The following RYR1 variants were observed in gnomAD, a reference collection of about 807,000 sequenced individuals.
RYR1 encodes the protein central core disease of muscle.
RYR1 carries 342 observed loss-of-function variants against 583.5 expected under a neutral mutation model. The ratio of observed to expected loss-of-function variants is 0.59; its 90% CI spans 0.54 to 0.64. The LOEUF is 0.64. Ranked by LOEUF, RYR1 falls within the 30% of genes least tolerant of loss-of-function variation. RYR1 has a pLI of 0.00. For synonymous variants in RYR1, 2,791 were observed against 2,822.5 expected (o/e 0.99, Z 0.35); for missense variants, 6,032 against 6,917.2 (o/e 0.87, Z 4.54).
At chr19:38,577,136 T>A (rs1973993121) in intron 97 of RYR1, among the ~76,000 whole-genome samples, 2 of 152,076 alleles carry the variant, frequency 1.3e-5, no homozygotes, top group South Asian at 4.1e-4. Flanking sequence ...TCCACCCGCC[T>A]CGGCCTCCCA....
Position 38,570,619 on chromosome 19 carries a change from C to T in RYR1, c.13672C>T (p.Arg4558Trp), listed in dbSNP as rs771741606. 16 of 1,613,832 alleles carry T rather than the reference C, an allele frequency of 9.9e-6. No homozygotes were observed. Among genetic ancestry groups the T allele is most frequent in the Admixed American group, 1.7e-5 (1 of 59,998 alleles). Residue 4558 changes from arginine (R) to tryptophan (W), a missense_variant, in exon 94 of 106, where the codon CGG (arginine) becomes TGG (tryptophan). By Grantham distance (101) the Arg-to-Trp change is moderately radical (BLOSUM62 -3). Coordinates refer to ENST00000359596, the MANE Select transcript of RYR1 (RefSeq NM_000540.3). ...QRVKFLNYLS[R>W]NFYTLRFLAL... is the part of the protein sequence containing the mutation. Reference sequence around the variant, plus strand: ...TCTTCTCTCTCAGAACTACCTGTCCCGGAACTTTTACACCCTGCGGTTCCT... The same window carrying T: ...TCTTCTCTCTCAGAACTACCTGTCCTGGAACTTTTACACCCTGCGGTTCCT...
chr19:38,516,856 A>G (rs986027355), intron 65 of RYR1, among the ~76,000 whole-genome samples: 1 of 152,098 alleles, frequency 6.6e-6, no homozygotes, highest in Non-Finnish European at 1.5e-5. Context: ...TGAGGTGTGG[A>G]CCTGGGGGAA....
rs73030970 is a variant in RYR1, at chr19:38,493,495, G to C, written c.6275-857G>C. Among the ~76,000 whole-genome samples the C allele has an allele frequency of 9.6e-3, 1,448 of 150,194 alleles. 17 individuals are homozygous for C. Among genetic ancestry groups the C allele is most frequent in the Non-Finnish European group, 0.014 (939 of 67,564 alleles). ...GTCAAAGCCCCTGCCCACGAGTTTA[G>C]ATTTTTTCTTTTTCTTTTTCGTTTT... On this transcript the variant is annotated intron_variant, in intron 38 of 105. Transcript: ENST00000359596.
Position 38,467,522 on chromosome 19 carries a change from C to T in RYR1, c.3179-88C>T, listed in dbSNP as rs145699105. ...ACAGTTCCCCAAAGCCCTTACTGTC[C>T]CCCAAAGCCTGTCTTCTACCAACTT... On this transcript the variant is annotated intron_variant, in intron 24 of 105. Transcript: ENST00000359596. 2.9e-6 allele frequency: 4 copies of T among 1,382,106 alleles called. No homozygotes were observed. The African/African-American group carries it at 4.3e-5, about 15-fold the overall frequency. 85.6% of individuals were successfully genotyped at this position (1,382,106 alleles called of 1,614,324 possible). A position where few individuals can be genotyped will look rare whatever the true frequency, so the allele number is the denominator to read the frequency against.
At chr19:38,486,408 A>G (rs1405293090) in intron 34 of RYR1, among the ~76,000 whole-genome samples, 1 of 152,008 alleles carries the variant, frequency 6.6e-6, no homozygotes, top group Non-Finnish European at 1.5e-5. Flanking sequence ...CAGTGGCGCA[A>G]TCTCAGCTCA....
intron 11 of RYR1, among the ~76,000 whole-genome samples, chr19:38,451,323 C>T (rs1003974290): frequency 2.6e-5 from 4 of 152,036 alleles, no homozygotes; most frequent in Non-Finnish European, 4.4e-5. Flanking sequence ...AGCTGGCAGC[C>T]ATGATGGTCT....
intron 31 of RYR1, among the ~76,000 whole-genome samples, chr19:38,480,117 C>T (rs1387532933): frequency 6.6e-6 from 1 of 152,028 alleles, no homozygotes; most frequent in Non-Finnish European, 1.5e-5. Flanking sequence ...CTGTCACCCA[C>T]TCACAGCCAA....
rs1410612545 is a variant in RYR1, at chr19:38,506,963, T to C, written c.8816+11T>C. 8 of 1,609,646 alleles carry C rather than the reference T, an allele frequency of 5.0e-6. No homozygotes were observed. The highest frequency in any genetic ancestry group is 5.9e-6 in the Non-Finnish European group (7 of 1,177,726). On this transcript the variant is annotated intron_variant, in intron 57 of 105. Transcript: ENST00000359596. The stretch of plus-strand genomic sequence containing the variant: ...CTACGCGGTTACAAGGCACGCGGGT[T>C]GGGGCTCCCGCGGAAGAGCAGCAGG...
At position 38,463,770 on chromosome 19, in the gene RYR1, G is replaced by A; in HGVS notation, c.2706G>A (p.Leu902=). Residue 902 remains leucine, a synonymous_variant, in exon 22 of 106, where the codon CTG becomes CTA. Transcript: ENST00000359596. ...YGPVRDDNKR[L]HPCLVDFHSL... ...AGGTTCGGGATGACAACAAGAGGCTGCACCCGTGTCTTGTGGACTTCCACA... is the reference window on the plus strand; with the variant it reads ...AGGTTCGGGATGACAACAAGAGGCTACACCCGTGTCTTGTGGACTTCCACA... 1 of 1,614,136 alleles carries A rather than the reference G, an allele frequency of 6.2e-7. No individual in the cohort carries two copies.
chr19:38,587,280 G>T, intron 105 of RYR1, 45 bp from the exon 106 acceptor site: 1 of 1,265,584 alleles, frequency 7.9e-7, no homozygotes. Flanking sequence ...ATGTCTCAAG[G>T]GTTTGAAGAT....
At chr19:38,575,804 A>G in intron 96 of RYR1, 115 bp from the exon 97 acceptor site, 1 of 1,171,058 alleles carries the variant, frequency 8.5e-7, no homozygotes, top group Admixed American at 1.8e-5. Context: ...CTCCATCTCA[A>G]AAAAAAAGGA....
In RYR1 at chr19:38,506,509, G is replaced by A. The variant is rs1970457923; in HGVS notation, c.8655G>A (p.Thr2885=). ...AEQLAENYHN[T]WGRKKKQELE... is the part of the protein sequence containing the mutation. The stretch of plus-strand genomic sequence containing the variant: ...AACTGGCAGAAAATTACCACAACAC[G>A]TGGGGACGGAAGAAGAAGCAGGAGC... The change falls in exon 56 of 106, where the codon ACG becomes ACA. Residue 2885 remains threonine (T), a synonymous_variant. Transcript: ENST00000359596. 1.2e-6 allele frequency: 2 copies of A among 1,614,062 alleles called. No homozygotes were observed. Among genetic ancestry groups the A allele is most frequent in the African/African-American group, 1.3e-5 (1 of 74,996 alleles).
chr19:38,534,715 C>T lies in RYR1; in HGVS notation c.11260-5C>T, dbSNP rs747319417. The T allele has an allele frequency of 1.1e-5, 17 of 1,613,400 alleles. No individual in the cohort carries two copies. Among genetic ancestry groups the T allele is most frequent in the Non-Finnish European group, 1.4e-5 (17 of 1,179,740 alleles). On this transcript the variant is annotated splice_region_variant and splice_polypyrimidine_tract_variant and intron_variant, in intron 78 of 105. Coordinates refer to ENST00000359596, the MANE Select transcript of RYR1 (RefSeq NM_000540.3). Reference sequence around the variant, plus strand: ...TTGCCTTCATGTGTCTGCCTCCCTTCCCAGGAGAAACAGATGGAGAAGCAG... The same window carrying T: ...TTGCCTTCATGTGTCTGCCTCCCTTTCCAGGAGAAACAGATGGAGAAGCAG...
chr19:38,563,777 GC>G (rs2064871618), intron 90 of RYR1, among the ~76,000 whole-genome samples: 1 of 152,220 alleles, frequency 6.6e-6, no homozygotes, highest in Non-Finnish European at 1.5e-5. Context: ...CAGAGCCTTT[GC>G]CTTTAAGCAC....
intron 31 of RYR1, among the ~76,000 whole-genome samples, chr19:38,482,193 T>C (rs1173324321): frequency 6.6e-6 from 1 of 152,052 alleles, no homozygotes; most frequent in African/African-American, 2.4e-5. Flanking sequence ...GGGCTTCCTG[T>C]GTATATTAAA....
intron 84 of RYR1, among the ~76,000 whole-genome samples, chr19:38,542,388 T>C (rs12459780): frequency 0.023 from 3,469 of 152,246 alleles, 96 homozygotes; most frequent in Admixed American, 0.073. Context: ...AGGAACTGAA[T>C]CTCTATTTCT....
intron 12 of RYR1, among the ~76,000 whole-genome samples, chr19:38,452,274 A>T (rs1390566279): frequency 6.6e-6 from 1 of 150,698 alleles, no homozygotes; most frequent in Non-Finnish European, 1.5e-5. Context: ...CTGTCTCTAT[A>T]AAAAAAATAA....
chr19:38,537,812 G>A, intron 83 of RYR1, 68 bp from the exon 84 acceptor site: 2 of 1,401,294 alleles, frequency 1.4e-6, no homozygotes, highest in Admixed American at 3.3e-5. Context: ...CATGGGCCTT[G>A]TGCATGTGTG....
rs866990461 is a variant in RYR1 at position 38,458,217 on chromosome 19, G to A, written c.2092G>A (p.Gly698Ser). The A allele has an allele frequency of 5.6e-6, 9 of 1,613,882 alleles. No homozygotes were observed. The highest frequency in any genetic ancestry group is 3.3e-5 in the South Asian group (3 of 91,084). Reference protein sequence around the residue: ...TEGYTPYPGAGEGWGGNGVGD... With the variant: ...TEGYTPYPGASEGWGGNGVGD... ...GGGCTACACCCCCTACCCTGGGGCCGGCGAGGGCTGGGGCGGCAACGGGGT... is the reference window on the plus strand; with the variant it reads ...GGGCTACACCCCCTACCCTGGGGCCAGCGAGGGCTGGGGCGGCAACGGGGT... The change falls in exon 18 of 106, where the codon GGC becomes AGC. Residue 698 changes from glycine to serine, a missense_variant. This residue lies in a region of RYR1 where 2,627 missense variants were observed against 2,961.3 expected (regional missense o/e 0.89). Coordinates refer to ENST00000359596, the MANE Select transcript of RYR1 (RefSeq NM_000540.3).
Sources: gnomAD v4.1 joint callset for allele counts (sites outside exome capture counted in the v4.1 genomes callset) on GRCh38, gnomAD v4.1.1 for gene constraint, gnomAD v4.1.1 regional missense constraint, MANE v1.5 for transcripts, NCBI Gene and HGNC (gene_info 2026-07-23, HGNC 2026-07-21) for gene names.